UPK1B: variants seen among roughly 807,000 people sequenced by gnomAD.
UPK1B encodes uroplakin 1B.
A neutral mutation model predicts 34.2 loss-of-function variants in UPK1B; 28 were observed. That is an observed-to-expected ratio of 0.82 (90% CI 0.61 to 1.12). The LOEUF (loss-of-function observed/expected upper bound fraction) is 1.12, where lower values mean the gene tolerates loss of function less well. UPK1B is among the 50% of genes most tolerant of loss of function. The pLI, the probability that UPK1B is intolerant of heterozygous loss-of-function variation, is 0.00. For missense variants in UPK1B, 325 were observed against 320.9 expected (o/e 1.01, Z -0.10); for synonymous variants, 81 against 110.4 (o/e 0.73, Z 1.67).
At chr3:119,179,352 GATATATATATATATAT>G (rs60685268) in intron 1 of UPK1B, among the ~76,000 whole-genome samples, 2,685 of 46,838 alleles carry the variant, frequency 0.057, 180 homozygotes, top group African/African-American at 0.16. Flanking sequence ...GAGAGAGGGA[GATATATATATATATAT>G]ATATATATAT....
chr3:119,190,815 T>G (rs768927570), intron 4 of UPK1B, among the ~76,000 whole-genome samples, 167 bp from the exon 5 acceptor site: 43 of 152,228 alleles, frequency 2.8e-4, no homozygotes, highest in Admixed American at 8.5e-4. Flanking sequence ...CTTCTCTGCA[T>G]GGGGACTTAT....
At chr3:119,191,671 C>G (rs1161466729) in intron 5 of UPK1B, among the ~76,000 whole-genome samples, 1 of 152,168 alleles carries the variant, frequency 6.6e-6, no homozygotes, top group Non-Finnish European at 1.5e-5. Context: ...GCCACCACTC[C>G]TTCTATGAAC....
chr3:119,174,361 A>C, intron 1 of UPK1B, among the ~76,000 whole-genome samples: 1 of 152,366 alleles, frequency 6.6e-6, no homozygotes, highest in Middle Eastern at 3.4e-3. Flanking sequence ...CACACAAAAT[A>C]CAAATTTAAG....
chr3:119,179,083 A>G (rs914065602), intron 1 of UPK1B, among the ~76,000 whole-genome samples: 1 of 151,974 alleles, frequency 6.6e-6, no homozygotes, highest in African/African-American at 2.4e-5. Context: ...TCACGCCTAT[A>G]ATCTCCACAC....
chr3:119,195,375 G>C (rs2078062447), intron 6 of UPK1B, among the ~76,000 whole-genome samples: 1 of 152,220 alleles, frequency 6.6e-6, no homozygotes. Context: ...ATGTCAGGCT[G>C]TTTTGTTTGG....
intron 1 of UPK1B, among the ~76,000 whole-genome samples, chr3:119,177,303 T>C (rs554174700): frequency 3.9e-5 from 6 of 152,194 alleles, no homozygotes; most frequent in Non-Finnish European, 5.9e-5. Flanking sequence ...GTCAAGAGTT[T>C]CTCTTAATTT....
chr3:119,176,068 C>T (rs1008654405), intron 1 of UPK1B: 2 of 152,216 alleles, frequency 1.3e-5, no homozygotes, highest in Non-Finnish European at 1.5e-5. Flanking sequence ...CCCATCTTTA[C>T]TCTGAGCCAA....
At chr3:119,181,816 A>G (rs1259992620) in intron 1 of UPK1B, among the ~76,000 whole-genome samples, 1 of 152,212 alleles carries the variant, frequency 6.6e-6, no homozygotes, top group Non-Finnish European at 1.5e-5. Context: ...GCCTCCTCCT[A>G]CTTTGGAGAC....
At chr3:119,183,811 T>G (rs2078001012) in intron 1 of UPK1B, among the ~76,000 whole-genome samples, 1 of 152,240 alleles carries the variant, frequency 6.6e-6, no homozygotes, top group South Asian at 2.1e-4. Flanking sequence ...CCTAACATAG[T>G]GCCCAGAGCA....
rs1046322117 is a variant in UPK1B at position 119,204,101 on chromosome 3, G to A, written c.*134G>A. 3.3e-5 allele frequency: 33 copies of A among 992,058 alleles called. No individual in the cohort carries two copies. Among genetic ancestry groups the A allele is most frequent in the East Asian group, 5.0e-5 (2 of 40,390 alleles). The allele number at this position is 992,058 out of a possible 1,614,324, so 61.5% of individuals were successfully genotyped here. A position where few individuals can be genotyped will look rare whatever the true frequency, so the allele number is the denominator to read the frequency against. ...CTTACATTGCCAAGTCAGATGGTAC[G>A]GACTTCCTTTAGGATCTCAGGCTTC... is the stretch of plus-strand genomic sequence containing the variant. On this transcript the variant is annotated 3_prime_UTR_variant, in exon 8 of 8. Coordinates refer to ENST00000264234, the MANE Select transcript of UPK1B (RefSeq NM_006952.4).
intron 6 of UPK1B, 89 bp from the exon 7 acceptor site, chr3:119,198,968 T>C (rs1353287409): frequency 2.8e-6 from 4 of 1,443,112 alleles, no homozygotes; most frequent in Non-Finnish European, 3.8e-6. Context: ...TTGAGTAGCA[T>C]TGATTCCAAT....
At chr3:119,183,364 C>A in intron 1 of UPK1B, among the ~76,000 whole-genome samples, 1 of 151,522 alleles carries the variant, frequency 6.6e-6, no homozygotes, top group East Asian at 1.9e-4. Context: ...CAGGTTCAAG[C>A]GATTCTCCTG....
intron 6 of UPK1B, among the ~76,000 whole-genome samples, chr3:119,197,353 G>C (rs556549333): frequency 5.3e-5 from 8 of 152,242 alleles, no homozygotes; most frequent in Admixed American, 2.0e-4. Flanking sequence ...GGCACTAAAT[G>C]ATGGTGAAAA....
At chr3:119,180,861 G>GA (rs1248577326) in intron 1 of UPK1B, among the ~76,000 whole-genome samples, 1 of 152,116 alleles carries the variant, frequency 6.6e-6, no homozygotes, top group Non-Finnish European at 1.5e-5. Context: ...AGTGTGCCAG[G>GA]AAAGCAGCTC....
intron 1 of UPK1B, among the ~76,000 whole-genome samples, chr3:119,176,852 C>A (rs576301329): frequency 4.0e-4 from 61 of 152,268 alleles, no homozygotes; most frequent in African/African-American, 1.4e-3. Flanking sequence ...TTTCTACATA[C>A]TGTGGGCTAA....
rs1576872706 is a variant in UPK1B at position 119,198,999 on chromosome 3, A to G, written c.649-58A>G. On this transcript the variant is annotated intron_variant, in intron 6 of 7. Transcript: ENST00000264234. ...CCAATAGGAACCTGCTTTCCCATCA[A>G]TCTCTTCTCTGCTTTCTGGTTCTTC... The G allele has an allele frequency of 1.5e-5, 24 of 1,591,998 alleles. No homozygotes were observed. The Admixed American group carries it at 2.0e-4, about 13-fold the overall frequency.
intron 5 of UPK1B, among the ~76,000 whole-genome samples, chr3:119,193,392 G>C (rs11707848): frequency 0.41 from 62,063 of 152,066 alleles, 13,281 homozygotes; most frequent in Non-Finnish European, 0.45. Context: ...CATTCTAAAA[G>C]TTCCAAGATA....
intron 2 of UPK1B, among the ~76,000 whole-genome samples, chr3:119,187,475 C>T (rs2078024355): frequency 6.6e-6 from 1 of 152,150 alleles, no homozygotes; most frequent in South Asian, 2.1e-4. Context: ...GACATGGGGG[C>T]AGGGGGAGAT....
chr3:119,185,100 A>G (rs1211034098), intron 1 of UPK1B, among the ~76,000 whole-genome samples: 2 of 152,240 alleles, frequency 1.3e-5, no homozygotes, highest in Non-Finnish European at 2.9e-5. Flanking sequence ...ATTTCTAAGC[A>G]GAAACTACAC....
Sources: allele counts gnomAD v4.1 joint callset (sites outside exome capture counted in the v4.1 genomes callset), GRCh38; gene constraint gnomAD v4.1.1; transcripts MANE v1.5; gene names NCBI Gene and HGNC (gene_info 2026-07-23, HGNC 2026-07-21).